Variants in MAN1C1 observed in about 807,000 individuals in gnomAD.
MAN1C1 encodes the protein mannosyl-oligosaccharide 1,2-alpha-mannosidase IC.
Under a neutral mutation model 71.5 loss-of-function variants are expected in MAN1C1, and 49 were observed. The observed-to-expected ratio is 0.69, with a 90% CI of 0.54 to 0.87. MAN1C1 has a LOEUF of 0.87. Among genes scored for constraint, MAN1C1 ranks in the 40% least tolerant of loss-of-function variants. The probability of loss-of-function intolerance (pLI) is 0.00; values close to 1 mark genes in which losing one functional copy is unlikely to be tolerated. For missense variants in MAN1C1, 743 were observed against 835.0 expected (o/e 0.89, Z 1.36); for synonymous variants, 352 against 343.7 (o/e 1.02, Z -0.27).
intron 8 of MAN1C1, among the ~76,000 whole-genome samples, chr1:25,774,273 G>A (rs535400434): frequency 6.6e-6 from 1 of 152,192 alleles, no homozygotes; most frequent in African/African-American, 2.4e-5. Flanking sequence ...GTCACGGCAG[G>A]AGACAAAGAA....
At chr1:25,676,289 A>G (rs968998955) in intron 1 of MAN1C1, among the ~76,000 whole-genome samples, 1 of 152,046 alleles carries the variant, frequency 6.6e-6, no homozygotes, top group African/African-American at 2.4e-5. Flanking sequence ...AGCTTGAGTA[A>G]ACCCGAAACT....
At chr1:25,640,270 G>A (rs1311554796) in intron 1 of MAN1C1, among the ~76,000 whole-genome samples, 3 of 152,168 alleles carry the variant, frequency 2.0e-5, no homozygotes, top group African/African-American at 7.2e-5. Context: ...TGAAGGTGTT[G>A]AATAAAAGTT....
At chr1:25,677,846 CTTTTTTTTTTTTTTTT>C (rs772618301) in intron 1 of MAN1C1, among the ~76,000 whole-genome samples, 1 of 98,308 alleles carries the variant, frequency 1.0e-5, no homozygotes. Context: ...TAAAGACCTC[CTTTTTTTTTTTTTTTT>C]TTTTTTTTTT....
intron 3 of MAN1C1, among the ~76,000 whole-genome samples, chr1:25,748,655 T>A (rs2047170789): frequency 6.6e-6 from 1 of 152,172 alleles, no homozygotes; most frequent in Non-Finnish European, 1.5e-5. Flanking sequence ...GCACCCCTGA[T>A]TTGCAATCCC....
chr1:25,753,573 CA>C lies in MAN1C1; in HGVS notation c.928del (p.Ser310ValfsTer65). ...GAATCCCAAAGGGCGTGGTGAGCTT[CA>C]AAAGGTAGGGCGCCATCGCGTTCCC... ...TGIPKGVVSF[K>X]SGNWGWATAG... On this transcript the variant is annotated frameshift_variant, in exon 5 of 12. Transcript: ENST00000374332. LOFTEE classifies it high-confidence loss of function. The surrounding 1 kb of genome is among the most constrained non-coding windows in gnomAD (Gnocchi z 4.9). 1 of 1,613,292 alleles carries C rather than the reference CA, an allele frequency of 6.2e-7. No individual in the cohort carries two copies. The highest frequency in any genetic ancestry group is 8.5e-7 in the Non-Finnish European group (1 of 1,179,604).
intron 1 of MAN1C1, chr1:25,654,237 C>T (rs2045731594): frequency 6.6e-6 from 1 of 152,262 alleles, no homozygotes. Flanking sequence ...GCTTTCATTT[C>T]TTAGACACAG....
At chr1:25,766,741 G>A (rs74060820) in intron 7 of MAN1C1, among the ~76,000 whole-genome samples, 1 of 152,242 alleles carries the variant, frequency 6.6e-6, no homozygotes, top group African/African-American at 2.4e-5. Context: ...CCGAGGAGGG[G>A]TCACCAGCCC....
chr1:25,682,584 C>T (rs926340324), intron 1 of MAN1C1, among the ~76,000 whole-genome samples: 1 of 152,160 alleles, frequency 6.6e-6, no homozygotes, highest in Non-Finnish European at 1.5e-5. Flanking sequence ...GAGCTGGCTC[C>T]CCGTGGCTGA....
chr1:25,753,563 T>C lies in MAN1C1; in HGVS notation c.914T>C (p.Val305Ala). 1 of 1,613,470 alleles carries C rather than the reference T, an allele frequency of 6.2e-7. No individual in the cohort carries two copies. Among genetic ancestry groups the C allele is most frequent in the Non-Finnish European group, 8.5e-7 (1 of 1,179,722 alleles). ...FNTPTGIPKG[V>A]VSFKSGNWGW... ...ACCCCCACGGGAATCCCAAAGGGCG[T>C]GGTGAGCTTCAAAAGGTAGGGCGCC... The change falls in exon 5 of 12, where the codon GTG (valine) becomes GCG (alanine). Residue 305 changes from valine to alanine, a missense_variant. By Grantham distance (64) the Val-to-Ala change is moderately conservative. Coordinates refer to ENST00000374332, the MANE Select transcript of MAN1C1 (RefSeq NM_020379.4). The surrounding 1 kb of genome is among the most constrained non-coding windows in gnomAD (Gnocchi z 4.9).
At chr1:25,649,720 C>G (rs1356178472) in intron 1 of MAN1C1, among the ~76,000 whole-genome samples, 1 of 152,202 alleles carries the variant, frequency 6.6e-6, no homozygotes, top group African/African-American at 2.4e-5. Context: ...TCCCTGCAAC[C>G]TGCCCCTCCC....
Position 25,763,975 on chromosome 1 carries a change from C to T in MAN1C1, c.1141+8C>T. On this transcript the variant is annotated splice_region_variant and intron_variant, in intron 7 of 11. Transcript: ENST00000374332. Reference sequence around the variant, plus strand: ...GTGGGAACTGGGTGCAACGTGAGTACAGAGACGCCACTGCCCCTTATTCAG... The same window carrying T: ...GTGGGAACTGGGTGCAACGTGAGTATAGAGACGCCACTGCCCCTTATTCAG... 6.2e-7 allele frequency: 1 copy of T among 1,609,406 alleles called. No individual in the cohort carries two copies. Among genetic ancestry groups the T allele is most frequent in the Middle Eastern group, 1.7e-4 (1 of 6,060 alleles).
chr1:25,768,502 C>G (rs1272457173), intron 7 of MAN1C1, among the ~76,000 whole-genome samples: 3 of 120,766 alleles, frequency 2.5e-5, no homozygotes, highest in Non-Finnish European at 3.5e-5. Context: ...CAGACCCACA[C>G]ACCCACACTC....
At chr1:25,671,305 G>A (rs1379220697) in intron 1 of MAN1C1, among the ~76,000 whole-genome samples, 1 of 152,180 alleles carries the variant, frequency 6.6e-6, no homozygotes, top group Non-Finnish European at 1.5e-5. Context: ...TAACCCAGTG[G>A]GTGGCACACA....
chr1:25,760,489 G>A (rs1294684510), intron 6 of MAN1C1: 1 of 152,042 alleles, frequency 6.6e-6, no homozygotes, highest in Non-Finnish European at 1.5e-5. Flanking sequence ...GGCAATTATT[G>A]GCAGTCAACA....
intron 2 of MAN1C1, among the ~76,000 whole-genome samples, chr1:25,721,700 G>A (rs2046768391): frequency 6.6e-6 from 1 of 152,202 alleles, no homozygotes; most frequent in African/African-American, 2.4e-5. Context: ...TACAAGATGT[G>A]TCATCTGCAA....
rs904915977 is a variant in MAN1C1, at chr1:25,764,603, T to C, written c.1141+636T>C. Among the ~76,000 whole-genome samples the C allele has an allele frequency of 1.5e-4, 23 of 151,792 alleles. No homozygotes were observed. The highest frequency in any genetic ancestry group is 9.8e-4 in the Admixed American group (15 of 15,236). ...ACTTTTTTTGTATTTTTAGTAGAGATGGGGTTTAGTAGAGATGTTGGCCAA... is the reference window on the plus strand; with the variant it reads ...ACTTTTTTTGTATTTTTAGTAGAGACGGGGTTTAGTAGAGATGTTGGCCAA... On this transcript the variant is annotated intron_variant, in intron 7 of 11. Transcript: ENST00000374332. The surrounding 1 kb of genome is among the most constrained non-coding windows in gnomAD (Gnocchi z 4.4).
chr1:25,738,927 T>G (rs932866913), intron 2 of MAN1C1, among the ~76,000 whole-genome samples: 1 of 152,008 alleles, frequency 6.6e-6, no homozygotes, highest in East Asian at 1.9e-4. Flanking sequence ...TTTGGGAGAC[T>G]GAGATGGGAG....
At chr1:25,698,117 A>C (rs972886652) in intron 2 of MAN1C1, among the ~76,000 whole-genome samples, 1 of 152,182 alleles carries the variant, frequency 6.6e-6, no homozygotes, top group African/African-American at 2.4e-5. Context: ...GCAATCAGTG[A>C]AGTCTTCCTT....
At position 25,618,338 on chromosome 1, in the gene MAN1C1, G is replaced by A. The variant is rs780584895; in HGVS notation, c.540+1G>A. ...AGCCCAGCGGGAGAAAATCAAGGAG[G>A]TATGGACTCAGCCCCCAAACTCCTC... is the stretch of plus-strand genomic sequence containing the variant. On this transcript the variant is annotated splice_donor_variant, in intron 1 of 11. Coordinates refer to ENST00000374332, the MANE Select transcript of MAN1C1 (RefSeq NM_020379.4). LOFTEE classifies it high-confidence loss of function. 2.5e-6 allele frequency: 4 copies of A among 1,595,938 alleles called. No individual in the cohort carries two copies. The highest frequency in any genetic ancestry group is 2.3e-5 in the East Asian group (1 of 43,766).
Sources: allele counts gnomAD v4.1 joint callset (sites outside exome capture counted in the v4.1 genomes callset), GRCh38; gene constraint gnomAD v4.1.1; non-coding constraint Gnocchi (gnomAD v3.1); transcripts MANE v1.5; gene names NCBI Gene and HGNC (gene_info 2026-07-23, HGNC 2026-07-21).